KARS1: variants seen among roughly 807,000 people sequenced by gnomAD.
The protein encoded by KARS1 is lysyl-tRNA synthetase 1.
A neutral mutation model predicts 63.9 loss-of-function variants in KARS1; 50 were observed. The ratio of observed to expected loss-of-function variants is 0.78; its 90% CI spans 0.62 to 0.99. KARS1 has a LOEUF of 0.99. KARS1 is among the 50% of genes least tolerant of loss of function. The pLI, the probability that KARS1 is intolerant of heterozygous loss-of-function variation, is 0.00. For synonymous variants in KARS1, 320 were observed against 264.6 expected (o/e 1.21, Z -2.03); for missense variants, 816 against 754.5 (o/e 1.08, Z -0.95).
chr16:75,629,375 G>T, intron 12 of KARS1, 40 bp downstream of exon 12: 2 of 1,612,874 alleles, frequency 1.2e-6, no homozygotes, highest in Non-Finnish European at 8.5e-7. Context: ...GTATTTCCTG[G>T]TGAGTTGGCA....
intron 7 of KARS1, 23 bp from the exon 8 acceptor site, chr16:75,631,878 G>C (rs1188335707): frequency 6.2e-7 from 1 of 1,613,156 alleles, no homozygotes; most frequent in Admixed American, 1.7e-5. Context: ...CATGGCCACG[G>C]TCATGACAGC....
At chr16:75,639,824 CA>C (rs1039649523) in intron 3 of KARS1, 2 of 196,258 alleles carry the variant, frequency 1.0e-5, no homozygotes, top group African/African-American at 4.7e-5. Context: ...AGATCTCACC[CA>C]AGATACTACA....
chr16:75,644,533 T>C, intron 1 of KARS1: 2 of 1,163,982 alleles, frequency 1.7e-6, no homozygotes. Flanking sequence ...AACTCTCTTA[T>C]GGGTTGGGGA....
At chr16:75,629,801 T>C (rs566961893) in intron 11 of KARS1, among the ~76,000 whole-genome samples, 8 of 152,342 alleles carry the variant, frequency 5.3e-5, no homozygotes, top group African/African-American at 1.4e-4. Flanking sequence ...TTTCGCCATA[T>C]TGGCCAGGTT....
intron 1 of KARS1, chr16:75,644,330 A>T: frequency 1.9e-6 from 3 of 1,609,314 alleles, no homozygotes; most frequent in Non-Finnish European, 2.5e-6. Flanking sequence ...CTGTGAAAGG[A>T]GCAAGTTGAC....
chr16:75,636,744 C>T (rs1043447298), intron 3 of KARS1, among the ~76,000 whole-genome samples, 197 bp from the exon 4 acceptor site: 1 of 151,920 alleles, frequency 6.6e-6, no homozygotes, highest in Non-Finnish European at 1.5e-5. Flanking sequence ...AGTGACTCTC[C>T]TGTTTCAGCC....
At chr16:75,633,199 A>G (rs2082130581) in intron 7 of KARS1, among the ~76,000 whole-genome samples, 2 of 152,222 alleles carry the variant, frequency 1.3e-5, no homozygotes, top group Non-Finnish European at 2.9e-5. Context: ...AGAGCTGCTC[A>G]GGGTCGGCCG....
chr16:75,628,204 C>T (rs976639686), intron 13 of KARS1, among the ~76,000 whole-genome samples: 1 of 152,216 alleles, frequency 6.6e-6, no homozygotes, highest in African/African-American at 2.4e-5. Context: ...GCCTAGGGCA[C>T]TATGTCAAAA....
At chr16:75,639,907 T>C in intron 3 of KARS1, 3 of 464,554 alleles carry the variant, frequency 6.5e-6, no homozygotes, top group South Asian at 5.2e-5. Flanking sequence ...CTGGAATTCT[T>C]AGAAGCCTGA....
At chr16:75,637,238 C>T (rs183297967) in intron 3 of KARS1, among the ~76,000 whole-genome samples, 103 of 151,992 alleles carry the variant, frequency 6.8e-4, no homozygotes, top group African/African-American at 2.2e-3. Context: ...TGTGGGAAGA[C>T]GTTGCCAAGG....
chr16:75,634,009 G>A, intron 7 of KARS1, 164 bp downstream of exon 7: 1 of 779,410 alleles, frequency 1.3e-6, no homozygotes, highest in South Asian at 1.4e-5. Flanking sequence ...ATCTTGTAGA[G>A]AAATTCTGGA....
chr16:75,646,488 C>T (rs975650848), intron 1 of KARS1, among the ~76,000 whole-genome samples: 3 of 151,372 alleles, frequency 2.0e-5, no homozygotes, highest in Non-Finnish European at 2.9e-5. Flanking sequence ...TTGCAGTGAG[C>T]TGAGATCGCG....
intron 1 of KARS1, chr16:75,644,386 G>C (rs371452227): frequency 6.2e-7 from 1 of 1,612,424 alleles, no homozygotes; most frequent in East Asian, 2.2e-5. Flanking sequence ...GAGGTTTTGC[G>C]CAGGGACCCC....
intron 3 of KARS1, among the ~76,000 whole-genome samples, chr16:75,637,065 C>T (rs16941409): frequency 0.031 from 4,718 of 151,876 alleles, 108 homozygotes; most frequent in African/African-American, 0.063. Flanking sequence ...TAAAGACATG[C>T]TTTCAGGATC....
intron 1 of KARS1, among the ~76,000 whole-genome samples, chr16:75,645,921 A>C (rs2082277595): frequency 6.6e-6 from 1 of 152,040 alleles, no homozygotes; most frequent in Non-Finnish European, 1.5e-5. Context: ...CACACTCTGA[A>C]CTGGAAACCG....
rs2082088168 is a variant in KARS1, at chr16:75,629,506, T to C, written c.1460A>G (p.Glu487Gly). The C allele has an allele frequency of 6.2e-7, 1 of 1,614,134 alleles. No individual in the cohort carries two copies. The highest frequency in any genetic ancestry group is 8.5e-7 in the Non-Finnish European group (1 of 1,179,998). Residue 487 changes from glutamate (E) to glycine (G), a missense_variant, in exon 12 of 14, where the codon GAG becomes GGG. Transcript: ENST00000302445. ...TATCTCTTTCTTCATGACAAACAGC[T>C]CAAAGCGCTCAGTCAGACCCTCTTT... is the stretch of plus-strand genomic sequence containing the variant. The part of the protein sequence containing the change: ...RSKEGLTERF[E>G]LFVMKKEICN...
At chr16:75,630,733 C>T (rs1179611675) in intron 10 of KARS1, among the ~76,000 whole-genome samples, 1 of 152,072 alleles carries the variant, frequency 6.6e-6, no homozygotes, top group Non-Finnish European at 1.5e-5. Context: ...CATCCTGGTT[C>T]CAGTGATTCT....
At position 75,641,842 on chromosome 16, in the gene KARS1, T is replaced by C. The variant is rs2082228775; in HGVS notation, c.63-119A>G. Reference sequence around the variant, plus strand: ...GGAGAAACGCTCTTGCTCAGTTCTATACCCCTCAATTCCACACCCACAGCT... The same window carrying C: ...GGAGAAACGCTCTTGCTCAGTTCTACACCCCTCAATTCCACACCCACAGCT... On this transcript the variant is annotated intron_variant, in intron 1 of 13. Coordinates refer to ENST00000302445, the MANE Select transcript of KARS1 (RefSeq NM_005548.3). The C allele has an allele frequency of 3.0e-6, 3 of 988,366 alleles. No individual in the cohort carries two copies. In the Admixed American group the frequency reaches 5.3e-5, roughly 18 times the overall value. The allele number at this position is 988,366 out of a possible 1,614,324, so 61.2% of individuals were successfully genotyped here.
chr16:75,632,935 G>A (rs1168193617), intron 7 of KARS1, among the ~76,000 whole-genome samples: 1 of 152,146 alleles, frequency 6.6e-6, no homozygotes. Context: ...AGGTCATAGG[G>A]TAAATACTAC....
Sources: allele counts gnomAD v4.1 joint callset (sites outside exome capture counted in the v4.1 genomes callset), GRCh38; gene constraint gnomAD v4.1.1; transcripts MANE v1.5; gene names NCBI Gene and HGNC (gene_info 2026-07-23, HGNC 2026-07-21).